STX8: variants seen among roughly 807,000 people sequenced by gnomAD.
STX8 encodes the protein syntaxin-8.
STX8 carries 23 observed loss-of-function variants against 37.5 expected under a neutral mutation model. The observed-to-expected ratio is 0.61, with a 90% CI of 0.44 to 0.87. The LOEUF is 0.87. STX8 is among the 40% of genes least tolerant of loss of function. The pLI is 0.00. For synonymous variants in STX8, 115 were observed against 99.1 expected (o/e 1.16, Z -0.95); for missense variants, 313 against 284.7 (o/e 1.10, Z -0.71).
At chr17:9,413,232 T>G (rs1439728377) in intron 6 of STX8, among the ~76,000 whole-genome samples, 1 of 152,158 alleles carries the variant, frequency 6.6e-6, no homozygotes, top group Non-Finnish European at 1.5e-5. Flanking sequence ...AGTAGGAAAT[T>G]CTTTGCTCAC....
At chr17:9,502,117 C>T (rs934420725) in intron 5 of STX8, among the ~76,000 whole-genome samples, 1 of 152,172 alleles carries the variant, frequency 6.6e-6, no homozygotes, top group Non-Finnish European at 1.5e-5. Context: ...TGTAAATTTA[C>T]TGCAACCATT....
At chr17:9,568,259 A>C in intron 2 of STX8, 112 bp downstream of exon 2, 1 of 718,680 alleles carries the variant, frequency 1.4e-6, no homozygotes, top group South Asian at 1.9e-5. Flanking sequence ...ATATGTAAGC[A>C]GATAGATCAT....
Position 9,557,414 on chromosome 17 carries a change from GGAAATGTTTACATGGATACA to G in STX8, c.212_212+19del, listed in dbSNP as rs749093874. On this transcript the variant is annotated splice_donor_variant and splice_donor_5th_base_variant and coding_sequence_variant and intron_variant, in exon 3 of 8. Transcript: ENST00000306357. LOFTEE classifies it high-confidence loss of function. ...TTTCCTCCCACTCTAGAAAAGAGGT[GGAAATGTTTACATGGATACA>G]TCTGATGTGTTGACACAGCTCTTAG... The G allele has an allele frequency of 6.3e-7, 1 of 1,595,934 alleles. No individual in the cohort carries two copies. The highest frequency in any genetic ancestry group is 8.6e-7 in the Non-Finnish European group (1 of 1,164,026).
intron 1 of STX8, 65 bp from the exon 2 acceptor site, chr17:9,568,535 C>T: frequency 1.5e-6 from 2 of 1,375,896 alleles, no homozygotes; most frequent in Non-Finnish European, 2.0e-6. Context: ...GAGTCTCGCT[C>T]TGTCGCCCAG....
At position 9,537,744 on chromosome 17, in the gene STX8, T is replaced by G. The variant is rs147830964; in HGVS notation, c.323+7428A>C. On this transcript the variant is annotated intron_variant, in intron 4 of 7. Transcript: ENST00000306357. ...GCTTTGGTCTCTGTCCTTGAGGTAT[T>G]TAAAATATAGATCAAGAGACAAAAT... Among the ~76,000 whole-genome samples, 909 of 152,338 alleles carry G rather than the reference T, an allele frequency of 6.0e-3. 9 individuals are homozygous for G. The highest frequency in any genetic ancestry group is 0.021 in the African/African-American group (879 of 41,574).
At chr17:9,358,316 T>C (rs1334454524) in intron 7 of STX8, among the ~76,000 whole-genome samples, 2 of 152,172 alleles carry the variant, frequency 1.3e-5, no homozygotes, top group Non-Finnish European at 2.9e-5. Context: ...ACCATGCCAC[T>C]GCACTCCAGC....
At chr17:9,332,852 A>AAG (rs576773886) in intron 7 of STX8, among the ~76,000 whole-genome samples, 112 of 152,212 alleles carry the variant, frequency 7.4e-4, no homozygotes, top group Middle Eastern at 3.4e-3. Context: ...CTCACCCAAC[A>AAG]CAGTGCCTAG....
At chr17:9,520,237 A>C (rs1178647440) in intron 4 of STX8, among the ~76,000 whole-genome samples, 1 of 152,228 alleles carries the variant, frequency 6.6e-6, no homozygotes, top group Admixed American at 6.5e-5. Context: ...TTTTTTAAAA[A>C]TCAAGCAAAG....
Position 9,267,073 on chromosome 17 carries a change from A to T in STX8, c.644-16428T>A, listed in dbSNP as rs1189981332. Among the ~76,000 whole-genome samples, 4 of 152,234 alleles carry T rather than the reference A, an allele frequency of 2.6e-5. No homozygotes were observed. The East Asian group carries it at 5.8e-4, about 22-fold the overall frequency. On this transcript the variant is annotated intron_variant, in intron 7 of 7. Transcript: ENST00000306357. The stretch of plus-strand genomic sequence containing the variant: ...TCCCACGTATGCGGCAAAATGACAG[A>T]GTGTGTGAAAGGGTGAACGCGTGTG...
intron 6 of STX8, among the ~76,000 whole-genome samples, chr17:9,416,190 G>A (rs1439606893): frequency 3.3e-5 from 5 of 152,128 alleles, no homozygotes; most frequent in Non-Finnish European, 7.3e-5. Flanking sequence ...CCTTACCTAG[G>A]CTTCATTCTC....
chr17:9,427,266 G>A (rs1252177534), intron 6 of STX8, among the ~76,000 whole-genome samples: 1 of 152,154 alleles, frequency 6.6e-6, no homozygotes, highest in African/African-American at 2.4e-5. Context: ...TGTCACAGGA[G>A]TAGCAGTCTT....
chr17:9,344,372 T>C lies in STX8; in HGVS notation c.643+34180A>G, dbSNP rs1910466266. Reference sequence around the variant, plus strand: ...GCTTCCTGGGTTCAAGCAATTCGCCTGCCTCAGCCTCCCGAGTAGTTGGGA... The same window carrying C: ...GCTTCCTGGGTTCAAGCAATTCGCCCGCCTCAGCCTCCCGAGTAGTTGGGA... On this transcript the variant is annotated intron_variant, in intron 7 of 7. Transcript: ENST00000306357. Among the ~76,000 whole-genome samples the C allele has an allele frequency of 2.6e-5, 4 of 152,152 alleles. No homozygotes were observed. The South Asian group carries it at 8.3e-4, about 32-fold the overall frequency.
chr17:9,419,893 C>T (rs1024521161), intron 6 of STX8, among the ~76,000 whole-genome samples: 1 of 152,130 alleles, frequency 6.6e-6, no homozygotes, highest in Non-Finnish European at 1.5e-5. Flanking sequence ...TGTGTAGAAA[C>T]CTTTTCTTTT....
intron 2 of STX8, 66 bp from the exon 3 acceptor site, chr17:9,557,594 C>T (rs1047712001): frequency 3.6e-6 from 5 of 1,370,136 alleles, no homozygotes; most frequent in Middle Eastern, 1.8e-4. Flanking sequence ...AATTACATCA[C>T]GTAAACACTA....
At chr17:9,271,421 C>G (rs1907453515) in intron 7 of STX8, among the ~76,000 whole-genome samples, 1 of 152,002 alleles carries the variant, frequency 6.6e-6, no homozygotes, top group Non-Finnish European at 1.5e-5. Flanking sequence ...CCTTTGCACT[C>G]TAGCCTGGGT....
intron 2 of STX8, 133 bp downstream of exon 2, chr17:9,568,238 G>T: frequency 3.2e-6 from 2 of 628,052 alleles, no homozygotes; most frequent in Non-Finnish European, 5.4e-6. Flanking sequence ...TGGGTGTTAT[G>T]TCAATTCAAC....
At chr17:9,428,996 C>T (rs977336649) in intron 6 of STX8, among the ~76,000 whole-genome samples, 3 of 151,988 alleles carry the variant, frequency 2.0e-5, no homozygotes, top group Non-Finnish European at 2.9e-5. Flanking sequence ...AAGTTCATAG[C>T]CCCATATTTC....
chr17:9,458,274 C>T (rs1905241896), intron 6 of STX8, among the ~76,000 whole-genome samples: 1 of 151,302 alleles, frequency 6.6e-6, no homozygotes, highest in African/African-American at 2.5e-5. Flanking sequence ...CTTAACCTCC[C>T]AAGTAGCTGG....
chr17:9,445,822 ATTTTTTTC>A (rs1904829347), intron 6 of STX8, among the ~76,000 whole-genome samples: 2 of 146,210 alleles, frequency 1.4e-5, no homozygotes, highest in African/African-American at 5.0e-5. Flanking sequence ...AAGAATATAC[ATTTTTTTC>A]TTTTTTTCTC....
Sources: allele counts gnomAD v4.1 joint callset (sites outside exome capture counted in the v4.1 genomes callset), GRCh38; gene constraint gnomAD v4.1.1; transcripts MANE v1.5; gene names NCBI Gene and HGNC (gene_info 2026-07-23, HGNC 2026-07-21).